MAGI2: variants seen among roughly 807,000 people sequenced by gnomAD.
The protein encoded by MAGI2 is membrane-associated guanylate kinase, WW and PDZ domain-containing protein 2.
In MAGI2, 35 loss-of-function variants were observed where a neutral mutation model predicts 133.3. That is an observed-to-expected ratio of 0.26 (90% CI 0.20 to 0.35). The LOEUF is 0.35. Ranked by LOEUF, MAGI2 falls within the 10% of genes least tolerant of loss-of-function variation. MAGI2 has a pLI of 1.00. For missense variants in MAGI2, 1,636 were observed against 1,863.4 expected (o/e 0.88, Z 2.25); for synonymous variants, 729 against 710.6 (o/e 1.03, Z -0.41).
At chr7:78,236,029 T>A (rs1158597035) in intron 10 of MAGI2, among the ~76,000 whole-genome samples, 1 of 71,502 alleles carries the variant, frequency 1.4e-5, no homozygotes, top group African/African-American at 3.6e-5. Flanking sequence ...GACTGTATGT[T>A]TTTTTTTTTT....
At chr7:78,062,921 T>C (rs1441555895) in intron 21 of MAGI2, among the ~76,000 whole-genome samples, 1 of 152,224 alleles carries the variant, frequency 6.6e-6, no homozygotes, top group Non-Finnish European at 1.5e-5. Context: ...ACAGTCCTCC[T>C]CTCTGATCCT....
At chr7:79,006,531 T>G (rs1385888382) in intron 2 of MAGI2, 1 of 152,198 alleles carries the variant, frequency 6.6e-6, no homozygotes, top group Non-Finnish European at 1.5e-5. Context: ...AACGATTGTT[T>G]ATGGATATCT....
At chr7:78,521,961 T>C (rs1271479623) in intron 3 of MAGI2, among the ~76,000 whole-genome samples, 1 of 152,194 alleles carries the variant, frequency 6.6e-6, no homozygotes, top group African/African-American at 2.4e-5. Context: ...ATTATCCGAA[T>C]TTTTTATAAC....
chr7:78,376,554 G>T (rs1226031968), intron 6 of MAGI2, among the ~76,000 whole-genome samples: 1 of 152,096 alleles, frequency 6.6e-6, no homozygotes, highest in Admixed American at 6.6e-5. Context: ...TGGGCTGGTT[G>T]TTGATGAAAG....
intron 2 of MAGI2, among the ~76,000 whole-genome samples, chr7:78,780,811 C>T (rs1039837170): frequency 1.3e-5 from 2 of 152,190 alleles, no homozygotes. Context: ...GTAAACTTTC[C>T]TATGGCCCGG....
chr7:79,427,700 T>C (rs1269205701), intron 1 of MAGI2, among the ~76,000 whole-genome samples: 1 of 152,178 alleles, frequency 6.6e-6, no homozygotes, highest in Non-Finnish European at 1.5e-5. Context: ...TGCGGTTTTA[T>C]TATAGCAAAT....
chr7:79,051,814 A>G (rs1225365346), intron 1 of MAGI2, among the ~76,000 whole-genome samples: 1 of 152,184 alleles, frequency 6.6e-6, no homozygotes, highest in Non-Finnish European at 1.5e-5. Flanking sequence ...CACTAAATTT[A>G]ACCATTAGTA....
At chr7:79,146,391 CA>C (rs1822626343) in intron 1 of MAGI2, among the ~76,000 whole-genome samples, 1 of 152,108 alleles carries the variant, frequency 6.6e-6, no homozygotes, top group Admixed American at 6.5e-5. Context: ...ATGATCTGGA[CA>C]TTTTTGGTTT....
chr7:78,716,674 G>A lies in MAGI2; in HGVS notation c.419-89435C>T, dbSNP rs536742029. 2.6e-5 allele frequency among the ~76,000 whole-genome samples: 4 copies of A among 152,252 alleles called. No homozygotes were observed. In the South Asian group the frequency reaches 8.3e-4, roughly 32 times the overall value. On this transcript the variant is annotated intron_variant, in intron 2 of 21. Coordinates refer to ENST00000354212, the MANE Select transcript of MAGI2 (RefSeq NM_012301.4). ...ATTTTTATGGAAATGTGTTTATCAT[G>A]TGTGCTTAAGAAAGATCAATTTCCC...
At chr7:78,312,359 G>T (rs1798780918) in intron 9 of MAGI2, among the ~76,000 whole-genome samples, 1 of 152,066 alleles carries the variant, frequency 6.6e-6, no homozygotes, top group Non-Finnish European at 1.5e-5. Flanking sequence ...GAGACATCCA[G>T]TTCTGCAATG....
chr7:78,600,877 T>C (rs957489819), intron 3 of MAGI2, among the ~76,000 whole-genome samples: 1 of 152,192 alleles, frequency 6.6e-6, no homozygotes, highest in Non-Finnish European at 1.5e-5. Context: ...GTGAACTGTA[T>C]TTCAGAATAA....
At chr7:78,505,127 T>C (rs1794969942) in intron 4 of MAGI2, among the ~76,000 whole-genome samples, 1 of 152,192 alleles carries the variant, frequency 6.6e-6, no homozygotes, top group African/African-American at 2.4e-5. Context: ...ATTATTTTTA[T>C]AACTTCAAAA....
chr7:79,132,225 G>T (rs1450883571), intron 1 of MAGI2, among the ~76,000 whole-genome samples: 2 of 152,010 alleles, frequency 1.3e-5, no homozygotes, highest in African/African-American at 4.8e-5. Flanking sequence ...TGAATTCTGA[G>T]ATTTTAGTGT....
chr7:78,741,552 G>A (rs1585256730), intron 2 of MAGI2, among the ~76,000 whole-genome samples: 1 of 151,626 alleles, frequency 6.6e-6, no homozygotes, highest in South Asian at 2.1e-4. Flanking sequence ...TGAAAATACA[G>A]TAGAAACTTA....
intron 1 of MAGI2, among the ~76,000 whole-genome samples, chr7:79,257,210 T>C (rs976637201): frequency 6.6e-5 from 10 of 152,254 alleles, no homozygotes; most frequent in African/African-American, 2.2e-4. Context: ...AGAGCTGCAG[T>C]TCAATACATA....
intron 2 of MAGI2, among the ~76,000 whole-genome samples, chr7:78,798,415 G>T (rs1787789894): frequency 6.6e-6 from 1 of 152,100 alleles, no homozygotes; most frequent in Non-Finnish European, 1.5e-5. Flanking sequence ...AAAATGAAAT[G>T]GGTTGGTTTG....
intron 21 of MAGI2, among the ~76,000 whole-genome samples, chr7:78,035,360 G>GGGGAGAAACAGCAGGAC: frequency 6.6e-6 from 1 of 152,194 alleles, no homozygotes; most frequent in South Asian, 2.1e-4. Context: ...GGAGGTAGGA[G>GGGGAGAAACAGCAGGAC]TGAGTGAACG....
At chr7:78,740,319 C>T (rs182964143) in intron 2 of MAGI2, among the ~76,000 whole-genome samples, 2 of 152,168 alleles carry the variant, frequency 1.3e-5, no homozygotes, top group East Asian at 3.9e-4. Context: ...ACAGTACATA[C>T]CTTGATATAT....
rs1790642323 is a variant in MAGI2 at position 78,343,918 on chromosome 7, G to C, written c.1268C>G (p.Thr423Arg). The change falls in exon 9 of 22, where the codon ACA becomes AGA. Residue 423 changes from threonine to arginine, a missense_variant. Around this residue, in one of 5 missense-constraint regions of MAGI2, gnomAD observed 920 missense variants for 1,093.5 expected, o/e 0.84. Transcript: ENST00000354212. Reference sequence around the variant, plus strand: ...CTTTTTTAGGGTGGTGCTGAGGAATGTTCCCTTCAACTGGGATGCATCCCG... The same window carrying C: ...CTTTTTTAGGGTGGTGCTGAGGAATCTTCCCTTCAACTGGGATGCATCCCG... ...FTRDASQLKG[T>R]FLSTTLKKSN... 5 of 1,611,486 alleles carry C rather than the reference G, an allele frequency of 3.1e-6. No individual in the cohort carries two copies. The Admixed American group carries it at 6.8e-5, about 22-fold the overall frequency.
Sources: allele counts gnomAD v4.1 joint callset (sites outside exome capture counted in the v4.1 genomes callset), GRCh38; gene constraint gnomAD v4.1.1; regional missense constraint gnomAD v4.1.1; transcripts MANE v1.5; gene names NCBI Gene and HGNC (gene_info 2026-07-23, HGNC 2026-07-21).